The following ZNF714 variants were observed in gnomAD, a reference collection of about 807,000 sequenced individuals.
ZNF714 encodes zinc finger protein 714.
A neutral mutation model predicts 46.2 loss-of-function variants in ZNF714; 32 were observed. The ratio of observed to expected loss-of-function variants is 0.69; its 90% CI spans 0.52 to 0.93. The LOEUF is 0.93. ZNF714 is among the 40% of genes least tolerant of loss of function. The pLI, the probability that ZNF714 is intolerant of heterozygous loss-of-function variation, is 0.00. For synonymous variants in ZNF714, 199 were observed against 213.1 expected (o/e 0.93, Z 0.58); for missense variants, 635 against 646.3 (o/e 0.98, Z 0.19).
Position 21,122,731 on chromosome 19 carries a change from CTGTT to C in ZNF714, c.*4400_*4403del, listed in dbSNP as rs1795525213. 6.6e-6 allele frequency: 1 copy of C among 152,180 alleles called. No homozygotes were observed. The highest frequency in any genetic ancestry group is 2.4e-5 in the African/African-American group (1 of 41,436). The allele number at this position is 152,180 out of a possible 1,614,324, so 9.4% of individuals were successfully genotyped here. ...CTGAGTTATAGCTACAGTTTTCTGA[CTGTT>C]CTCTTCACGCCATTTCATTTCGCCT... On this transcript the variant is annotated 3_prime_UTR_variant, in exon 5 of 5. Transcript: ENST00000456283.
chr19:21,092,024 T>G (rs1007674926), intron 2 of ZNF714, among the ~76,000 whole-genome samples: 3 of 152,168 alleles, frequency 2.0e-5, no homozygotes, highest in African/African-American at 4.8e-5. Flanking sequence ...TCTACAGATT[T>G]GGTGCCAGAA....
At position 21,117,341 on chromosome 19, in the gene ZNF714, A is replaced by G; in HGVS notation, c.677A>G (p.Glu226Gly). 3.7e-6 allele frequency: 6 copies of G among 1,612,456 alleles called. No homozygotes were observed. The highest frequency in any genetic ancestry group is 5.1e-6 in the Non-Finnish European group (6 of 1,178,744). Residue 226 changes from glutamate to glycine, a missense_variant, in exon 5 of 5, where the codon GAG (glutamate) becomes GGG (glycine). Coordinates refer to ENST00000456283, the MANE Select transcript of ZNF714 (RefSeq NM_182515.4). ...ACACATAAGATGATTCATACTGGAG[A>G]GAAACCCTACAGATGTGAAGAATGT... ...LTTHKMIHTG[E>G]KPYRCEECGK...
intron 4 of ZNF714, among the ~76,000 whole-genome samples, chr19:21,115,246 ATTC>A (rs1969564354): frequency 6.7e-6 from 1 of 148,822 alleles, no homozygotes; most frequent in Non-Finnish European, 1.5e-5. Flanking sequence ...AATGATTTCT[ATTC>A]TTTTACCTTT....
intron 2 of ZNF714, among the ~76,000 whole-genome samples, chr19:21,088,702 C>A (rs1968841092): frequency 6.6e-6 from 1 of 152,144 alleles, no homozygotes; most frequent in Admixed American, 6.5e-5. Context: ...AATCAGGGTT[C>A]TTTTATATCA....
intron 4 of ZNF714, among the ~76,000 whole-genome samples, chr19:21,106,406 TA>T (rs1969314953): frequency 1.3e-5 from 2 of 151,422 alleles, no homozygotes; most frequent in African/African-American, 4.9e-5. Flanking sequence ...CCATCTCTAC[TA>T]AAAATACAAA....
At chr19:21,089,339 A>T (rs1347680645) in intron 2 of ZNF714, among the ~76,000 whole-genome samples, 1 of 152,200 alleles carries the variant, frequency 6.6e-6, no homozygotes, top group East Asian at 1.9e-4. Context: ...TCTTTTAAAA[A>T]GTCCTTTTAA....
At chr19:21,106,116 A>G (rs139944113) in intron 4 of ZNF714, among the ~76,000 whole-genome samples, 16 of 151,436 alleles carry the variant, frequency 1.1e-4, no homozygotes, top group African/African-American at 3.9e-4. Flanking sequence ...TTAGCTGGAC[A>G]TTGTGGCATG....
chr19:21,110,802 T>A (rs556750598), intron 4 of ZNF714, among the ~76,000 whole-genome samples: 6 of 152,206 alleles, frequency 3.9e-5, no homozygotes, highest in Non-Finnish European at 4.4e-5. Flanking sequence ...GTTTTCTGCC[T>A]ATGGCTAGCT....
Position 21,120,167 on chromosome 19 carries a change from G to C in ZNF714, c.*1835G>C, listed in dbSNP as rs976318226. On this transcript the variant is annotated 3_prime_UTR_variant, in exon 5 of 5. Coordinates refer to ENST00000456283, the MANE Select transcript of ZNF714 (RefSeq NM_182515.4). ...AGCGATTCTCCTCCCTCAGCCTCCT[G>C]AGTAGCTGGGATTACAGGCGCATAT... The C allele has an allele frequency of 1.3e-5, 2 of 152,192 alleles. No homozygotes were observed. The highest frequency in any genetic ancestry group is 4.8e-5 in the African/African-American group (2 of 41,426). 9.4% of individuals were successfully genotyped at this position (152,192 alleles called of 1,614,324 possible).
chr19:21,097,650 T>G (rs943144261), intron 2 of ZNF714, among the ~76,000 whole-genome samples: 1 of 152,138 alleles, frequency 6.6e-6, no homozygotes, highest in Admixed American at 6.6e-5. Context: ...CCAAAAAAGT[T>G]GGGAAAAACA....
intron 1 of ZNF714, among the ~76,000 whole-genome samples, chr19:21,082,936 A>C (rs1330408700): frequency 1.3e-5 from 2 of 152,134 alleles, no homozygotes; most frequent in Non-Finnish European, 2.9e-5. Context: ...TAAAGGTGAA[A>C]ATTTCCTGGT....
rs571012679 is a variant in ZNF714 at position 21,123,597 on chromosome 19, C to T, written c.*5265C>T. Among the ~76,000 whole-genome samples the T allele has an allele frequency of 7.9e-5, 12 of 152,168 alleles. No individual in the cohort carries two copies. The highest frequency in any genetic ancestry group is 2.6e-4 in the African/African-American group (11 of 41,522). Reference sequence around the variant, plus strand: ...GTCTCAATCTCCTGACCTCGTGATCCGCCCGCCTCGACCTCCCAAAGTGGT... The same window carrying T: ...GTCTCAATCTCCTGACCTCGTGATCTGCCCGCCTCGACCTCCCAAAGTGGT... On this transcript the variant is annotated 3_prime_UTR_variant, in exon 5 of 5. Coordinates refer to ENST00000456283, the MANE Select transcript of ZNF714 (RefSeq NM_182515.4).
chr19:21,119,534 A>G lies in ZNF714; in HGVS notation c.*1202A>G, dbSNP rs1462833973. 6.6e-6 allele frequency: 1 copy of G among 152,578 alleles called. No homozygotes were observed. Among genetic ancestry groups the G allele is most frequent in the Non-Finnish European group, 1.5e-5 (1 of 68,320 alleles). The allele number at this position is 152,578 out of a possible 1,614,324, so 9.5% of individuals were successfully genotyped here. A position where few individuals can be genotyped will look rare whatever the true frequency, so the allele number is the denominator to read the frequency against. On this transcript the variant is annotated 3_prime_UTR_variant, in exon 5 of 5. Coordinates refer to ENST00000456283, the MANE Select transcript of ZNF714 (RefSeq NM_182515.4). Reference sequence around the variant, plus strand: ...TGTAGACATTTTTTGTAGAGGAAAAACTCTGAAGCACTTTCACACTTTGTT... The same window carrying G: ...TGTAGACATTTTTTGTAGAGGAAAAGCTCTGAAGCACTTTCACACTTTGTT...
At chr19:21,106,501 G>A (rs139679748) in intron 4 of ZNF714, among the ~76,000 whole-genome samples, 13,579 of 148,922 alleles carry the variant, frequency 0.091, 685 homozygotes, top group Middle Eastern at 0.17. Flanking sequence ...CCTGGGAGGC[G>A]GATGTTGTAG....
At chr19:21,083,642 G>A (rs1356401645) in intron 1 of ZNF714, among the ~76,000 whole-genome samples, 1 of 151,936 alleles carries the variant, frequency 6.6e-6, no homozygotes, top group Non-Finnish European at 1.5e-5. Flanking sequence ...ATTATTTTTT[G>A]ACAAAGCTTT....
chr19:21,082,434 C>G lies in ZNF714; in HGVS notation c.-177+86C>G. 4 of 1,314,910 alleles carry G rather than the reference C, an allele frequency of 3.0e-6. No individual in the cohort carries two copies. In the East Asian group the frequency reaches 1.1e-4, roughly 37 times the overall value. 81.5% of individuals were successfully genotyped at this position (1,314,910 alleles called of 1,614,324 possible). A position where few individuals can be genotyped will look rare whatever the true frequency, so the allele number is the denominator to read the frequency against. On this transcript the variant is annotated intron_variant, in intron 1 of 4. Coordinates refer to ENST00000456283, the MANE Select transcript of ZNF714 (RefSeq NM_182515.4). The stretch of plus-strand genomic sequence containing the variant: ...AGTGGCTGTGGTGGGACTTAGGCCT[C>G]CCCGCAGTCAACTCTACAATCTGCG...
In ZNF714 at chr19:21,120,661, C is replaced by T. The variant is rs556996535; in HGVS notation, c.*2329C>T. The T allele has an allele frequency of 1.3e-5, 2 of 152,102 alleles. No individual in the cohort carries two copies. The highest frequency in any genetic ancestry group is 3.9e-4 in the East Asian group (2 of 5,166). 9.4% of individuals were successfully genotyped at this position (152,102 alleles called of 1,614,324 possible). ...AAATACTATTGTGCATTCAATGAAG[C>T]ATTATTATACCACAAACTTTACCCT... On this transcript the variant is annotated 3_prime_UTR_variant, in exon 5 of 5. Coordinates refer to ENST00000456283, the MANE Select transcript of ZNF714 (RefSeq NM_182515.4).
chr19:21,086,990 CTATTAG>C (rs1383325339), intron 2 of ZNF714, among the ~76,000 whole-genome samples: 1 of 152,110 alleles, frequency 6.6e-6, no homozygotes, highest in Non-Finnish European at 1.5e-5. Context: ...CTTCAGTCTT[CTATTAG>C]TTCAGTCCAT....
chr19:21,107,061 G>A (rs542142352), intron 4 of ZNF714, among the ~76,000 whole-genome samples: 2 of 152,186 alleles, frequency 1.3e-5, no homozygotes, highest in South Asian at 2.1e-4. Context: ...CCCTGACCTC[G>A]TGATCCACCC....
Sources: allele counts gnomAD v4.1 joint callset (sites outside exome capture counted in the v4.1 genomes callset), GRCh38; gene constraint gnomAD v4.1.1; transcripts MANE v1.5; gene names NCBI Gene and HGNC (gene_info 2026-07-23, HGNC 2026-07-21).